The following RTKN2 variants were observed in gnomAD, a reference collection of about 807,000 sequenced individuals.
The protein encoded by RTKN2 is rhotekin 2.
Under a neutral mutation model 71.5 loss-of-function variants are expected in RTKN2, and 69 were observed. That is an observed-to-expected ratio of 0.96 (90% CI 0.79 to 1.18). RTKN2 has a LOEUF of 1.18. RTKN2 is among the 50% of genes most tolerant of loss of function. The probability of loss-of-function intolerance (pLI) is 0.00; values close to 1 mark genes in which losing one functional copy is unlikely to be tolerated. For synonymous variants in RTKN2, 236 were observed against 236.5 expected, an observed-to-expected ratio of 1.00 and a Z score of 0.02; for missense variants, 724 against 719.7, an observed-to-expected ratio of 1.01 and a Z score of -0.07.
chr10:62,207,715 A>G (rs774196907), intron 9 of RTKN2, among the ~76,000 whole-genome samples: 4 of 152,130 alleles, frequency 2.6e-5, no homozygotes, highest in Non-Finnish European at 5.9e-5. Context: ...AATATTGCCT[A>G]GTACTCAGTA....
chr10:62,267,242 A>ACC (rs1391024554), intron 1 of RTKN2, among the ~76,000 whole-genome samples: 1 of 152,174 alleles, frequency 6.6e-6, no homozygotes, highest in East Asian at 1.9e-4. Flanking sequence ...CATGTAAATA[A>ACC]CCCAGGCTTT....
chr10:62,208,286 T>TA lies in RTKN2; in HGVS notation c.1021-3265dup, dbSNP rs1409538999. ...TATGTTACTTTTGACTATACGACCA[T>TA]AAAAAATGCACCCAGATTATGGTCT... is the stretch of plus-strand genomic sequence containing the variant. On this transcript the variant is annotated intron_variant, in intron 9 of 11. Transcript: ENST00000373789. Among the ~76,000 whole-genome samples, 13 of 152,214 alleles carry TA rather than the reference T, an allele frequency of 8.5e-5. 1 individual carries two copies. The highest frequency in any genetic ancestry group is 2.6e-4 in the African/African-American group (11 of 41,542).
chr10:62,184,626 T>C (rs1446540554), intron 8 of RTKN2, among the ~76,000 whole-genome samples: 1 of 152,220 alleles, frequency 6.6e-6, no homozygotes, highest in Non-Finnish European at 1.5e-5. Context: ...TGGATATTCA[T>C]GAATATGATT....
chr10:62,229,519 A>G (rs1842104483), intron 6 of RTKN2, among the ~76,000 whole-genome samples: 1 of 152,144 alleles, frequency 6.6e-6, no homozygotes, highest in African/African-American at 2.4e-5. Flanking sequence ...GACAATGAAG[A>G]CACTTTTGGG....
intron 2 of RTKN2, among the ~76,000 whole-genome samples, chr10:62,249,372 G>T (rs1267812748): frequency 2.1e-5 from 3 of 142,444 alleles, no homozygotes; most frequent in Non-Finnish European, 4.6e-5. Flanking sequence ...TTGAGCAGGG[G>T]TTGCGGGGTT....
In RTKN2 at chr10:62,193,931, C is replaced by T; in HGVS notation, c.*3977G>A. 1.0e-6 allele frequency: 1 copy of T among 983,460 alleles called. No homozygotes were observed. Among genetic ancestry groups the T allele is most frequent in the African/African-American group, 1.7e-5 (1 of 57,276 alleles). The allele number at this position is 983,460 out of a possible 1,614,324, so 60.9% of individuals were successfully genotyped here. ...TGTCTTTTTCTGATTAAACTGATTC[C>T]ACCACACTGTCTACTTCAATCAGTC... On this transcript the variant is annotated 3_prime_UTR_variant, in exon 12 of 12. Coordinates refer to ENST00000373789, the MANE Select transcript of RTKN2 (RefSeq NM_145307.4).
At chr10:62,235,310 AATG>A (rs1156415293) in intron 6 of RTKN2, among the ~76,000 whole-genome samples, 1 of 152,160 alleles carries the variant, frequency 6.6e-6, no homozygotes. Context: ...TAAGTATGAT[AATG>A]ATAATGTGGT....
intron 6 of RTKN2, among the ~76,000 whole-genome samples, chr10:62,225,941 C>T (rs527681611): frequency 8.5e-5 from 13 of 152,078 alleles, no homozygotes; most frequent in African/African-American, 2.9e-4. Flanking sequence ...GCCACCATGC[C>T]CAGCTTATTT....
Position 62,204,914 on chromosome 10 carries a change from T to A in RTKN2, c.1129A>T (p.Asn377Tyr). ...QAITQIFAVD[N>Y]REDLQKWMEA... ...ATCCACTTCTGAAGATCTTCTCTAT[T>A]GTCAACTGCAAAAATCTGAGTTATA... The change falls in exon 10 of 12, where the codon AAT (asparagine) becomes TAT (tyrosine). Residue 377 changes from asparagine (N) to tyrosine (Y), a missense_variant. Transcript: ENST00000373789. The A allele has an allele frequency of 1.2e-6, 2 of 1,601,672 alleles. No homozygotes were observed. The highest frequency in any genetic ancestry group is 1.7e-6 in the Non-Finnish European group (2 of 1,175,926).
intron 2 of RTKN2, among the ~76,000 whole-genome samples, chr10:62,260,616 A>C (rs1171349557): frequency 6.6e-6 from 1 of 152,066 alleles, no homozygotes; most frequent in African/African-American, 2.4e-5. Flanking sequence ...AAAATCATAC[A>C]CATTTCCAGT....
chr10:62,195,076 C>T lies in RTKN2; in HGVS notation c.*2832G>A. 1.0e-6 allele frequency: 1 copy of T among 984,398 alleles called. No individual in the cohort carries two copies. Among genetic ancestry groups the T allele is most frequent in the Non-Finnish European group, 1.2e-6 (1 of 829,016 alleles). 61.0% of individuals were successfully genotyped at this position (984,398 alleles called of 1,614,324 possible). A position where few individuals can be genotyped will look rare whatever the true frequency, so the allele number is the denominator to read the frequency against. On this transcript the variant is annotated 3_prime_UTR_variant, in exon 12 of 12. Coordinates refer to ENST00000373789, the MANE Select transcript of RTKN2 (RefSeq NM_145307.4). ...AGATATTAAAATACAAAAGTTACCA[C>T]TTAGTAGCAATTAAAAATAATACTA...
chr10:62,193,969 G>T lies in RTKN2; in HGVS notation c.*3939C>A. The T allele has an allele frequency of 1.0e-6, 1 of 984,896 alleles. No individual in the cohort carries two copies. Among genetic ancestry groups the T allele is most frequent in the Non-Finnish European group, 1.2e-6 (1 of 829,550 alleles). 61.0% of individuals were successfully genotyped at this position (984,896 alleles called of 1,614,324 possible). Reference sequence around the variant, plus strand: ...ACTTCAATCAGTCTAGTCTAGAGGAGCACTTAAAGAGAAAAAGTTAGAAAA... The same window carrying T: ...ACTTCAATCAGTCTAGTCTAGAGGATCACTTAAAGAGAAAAAGTTAGAAAA... On this transcript the variant is annotated 3_prime_UTR_variant, in exon 12 of 12. Coordinates refer to ENST00000373789, the MANE Select transcript of RTKN2 (RefSeq NM_145307.4).
downstream of RTKN2, among the ~76,000 whole-genome samples, chr10:62,191,434 C>T (rs554102587): frequency 1.3e-5 from 2 of 152,170 alleles, no homozygotes; most frequent in African/African-American, 2.4e-5. Context: ...CATGAGCCAC[C>T]GTGCCCAGCC....
chr10:62,187,429 C>A (rs528704331), intron 8 of RTKN2, among the ~76,000 whole-genome samples: 1 of 152,300 alleles, frequency 6.6e-6, no homozygotes, highest in Non-Finnish European at 1.5e-5. Flanking sequence ...AATCTGTTCA[C>A]CCCTCTGTGT....
At position 62,199,832 on chromosome 10, in the gene RTKN2, T is replaced by A. The variant is rs1267143237; in HGVS notation, c.1216A>T (p.Met406Leu). 1.2e-6 allele frequency: 2 copies of A among 1,613,486 alleles called. No homozygotes were observed. Among genetic ancestry groups the A allele is most frequent in the Admixed American group, 1.7e-5 (1 of 60,004 alleles). The change falls in exon 11 of 12, where the codon ATG becomes TTG. Residue 406 changes from methionine to leucine, a missense_variant. By Grantham distance (15) the Met-to-Leu change is conservative. Coordinates refer to ENST00000373789, the MANE Select transcript of RTKN2 (RefSeq NM_145307.4). ...SQWKHCCEEL[M>L]KIEIMSPRKP... ...CGTGGTGACATAATCTCAATTTTCA[T>A]AAGTTCTTCACAACAGTGCTTCCAT...
Position 62,217,127 on chromosome 10 carries a change from G to C in RTKN2, c.1011C>G (p.Pro337=). 6.4e-7 allele frequency: 1 copy of C among 1,567,030 alleles called. No individual in the cohort carries two copies. Among genetic ancestry groups the C allele is most frequent in the Non-Finnish European group, 8.6e-7 (1 of 1,161,692 alleles). ...ATAGCATTTCCTTTACCTTGTTAAT[G>C]GGTACTACCAAAGCTGGTTCCACTT... The part of the protein sequence containing the change: ...EAKVEPALVV[P]INKETRIRAM... The change falls in exon 9 of 12, where the codon CCC becomes CCG. Residue 337 remains proline (P), a synonymous_variant. Transcript: ENST00000373789.
chr10:62,186,971 T>A (rs1841146786), intron 8 of RTKN2, among the ~76,000 whole-genome samples: 1 of 152,162 alleles, frequency 6.6e-6, no homozygotes, highest in African/African-American at 2.4e-5. Context: ...TTTTCACTGG[T>A]GTTGATAAGA....
Position 62,194,684 on chromosome 10 carries a change from G to T in RTKN2, c.*3224C>A. The T allele has an allele frequency of 1.0e-6, 1 of 985,346 alleles. No individual in the cohort carries two copies. Among genetic ancestry groups the T allele is most frequent in the Non-Finnish European group, 1.2e-6 (1 of 829,898 alleles). 61.0% of individuals were successfully genotyped at this position (985,346 alleles called of 1,614,324 possible). A position where few individuals can be genotyped will look rare whatever the true frequency, so the allele number is the denominator to read the frequency against. On this transcript the variant is annotated 3_prime_UTR_variant, in exon 12 of 12. Transcript: ENST00000373789. ...CAAACTGCCCTATAATTTCATTTTG[G>T]ACTGAATTAATTAACTTCTCAGTAG...
Position 62,245,956 on chromosome 10 carries a change from A to T in RTKN2, c.316+43T>A, listed in dbSNP as rs1483111122. 2.4e-6 allele frequency: 3 copies of T among 1,252,056 alleles called. No individual in the cohort carries two copies. In the East Asian group the frequency reaches 7.1e-5, roughly 30 times the overall value. 77.6% of individuals were successfully genotyped at this position (1,252,056 alleles called of 1,614,324 possible). On this transcript the variant is annotated intron_variant, in intron 3 of 11. Coordinates refer to ENST00000373789, the MANE Select transcript of RTKN2 (RefSeq NM_145307.4). The stretch of plus-strand genomic sequence containing the variant: ...ACAAAATCCACCATGTAGTTACGTT[A>T]TAGAATTTATTCAGCAATATAAAAG...
Sources: gnomAD v4.1 joint callset for allele counts (sites outside exome capture counted in the v4.1 genomes callset) on GRCh38, gnomAD v4.1.1 for gene constraint, MANE v1.5 for transcripts, NCBI Gene and HGNC (gene_info 2026-07-23, HGNC 2026-07-21) for gene names.